Variants in KIT observed in about 807,000 individuals in gnomAD.
KIT encodes KIT proto-oncogene, receptor tyrosine kinase.
KIT carries 16 observed loss-of-function variants against 105.7 expected under a neutral mutation model. That is an observed-to-expected ratio of 0.15 (90% CI 0.10 to 0.23). The LOEUF is 0.23. Ranked by LOEUF, KIT falls within the 10% of genes least tolerant of loss-of-function variation. The probability of loss-of-function intolerance (pLI) is 1.00; values close to 1 mark genes in which losing one functional copy is unlikely to be tolerated. For missense variants in KIT, 858 were observed against 1,213.8 expected, an observed-to-expected ratio of 0.71 and a Z score of 4.36; for synonymous variants, 438 against 441.1, an observed-to-expected ratio of 0.99 and a Z score of 0.09.
At chr4:54,723,372 G>C (rs1040926449) in intron 7 of KIT, among the ~76,000 whole-genome samples, 1 of 152,154 alleles carries the variant, frequency 6.6e-6, no homozygotes, top group Non-Finnish European at 1.5e-5. Flanking sequence ...TCTGGGGCTG[G>C]GCCACTGTGG....
chr4:54,708,213 T>C (rs1457678327), intron 6 of KIT, among the ~76,000 whole-genome samples: 1 of 152,062 alleles, frequency 6.6e-6, no homozygotes, highest in East Asian at 1.9e-4. Context: ...GGAAAGACAG[T>C]GACTTTGTTT....
chr4:54,716,657 A>G (rs1721517777), intron 7 of KIT, among the ~76,000 whole-genome samples: 1 of 152,176 alleles, frequency 6.6e-6, no homozygotes. Flanking sequence ...TCTCTAGCCC[A>G]TGCCTGATGC....
chr4:54,719,844 C>G (rs545292295), intron 7 of KIT, among the ~76,000 whole-genome samples: 1 of 152,282 alleles, frequency 6.6e-6, no homozygotes, highest in South Asian at 2.1e-4. Flanking sequence ...TTCCACCTGG[C>G]TCATTCTTTA....
At chr4:54,701,802 CTA>C (rs1720468621) in intron 4 of KIT, among the ~76,000 whole-genome samples, 1 of 152,176 alleles carries the variant, frequency 6.6e-6, no homozygotes, top group African/African-American at 2.4e-5. Flanking sequence ...GTCTGTGAAA[CTA>C]TGAACTGGGA....
At chr4:54,688,207 G>A (rs1299242946) in intron 1 of KIT, among the ~76,000 whole-genome samples, 2 of 152,182 alleles carry the variant, frequency 1.3e-5, no homozygotes, top group Non-Finnish European at 2.9e-5. Flanking sequence ...AGCCTCATGG[G>A]TGTTGTGGGC....
At chr4:54,697,779 G>A (rs1420409484) in intron 2 of KIT, among the ~76,000 whole-genome samples, 1 of 152,160 alleles carries the variant, frequency 6.6e-6, no homozygotes, top group Admixed American at 6.5e-5. Flanking sequence ...CCCTGGAAAG[G>A]GTCCTGCACC....
rs934366239 is a variant in KIT at position 54,658,045 on chromosome 4, C to T, written c.31C>T (p.Leu11Phe). Residue 11 changes from leucine to phenylalanine, a missense_variant, in exon 1 of 21, where the codon CTC becomes TTC. Physicochemically the swap from Leu to Phe is conservative, Grantham distance 22. Around this residue, in one of 7 missense-constraint regions of KIT, gnomAD observed 46 missense variants for 38.8 expected, o/e 1.19. Transcript: ENST00000288135. Reference protein sequence around the residue: MRGARGAWDFLCVLLLLLRVQ... With the variant: MRGARGAWDFFCVLLLLLRVQ... ...AGGCGCTCGCGGCGCCTGGGATTTT[C>T]TCTGCGTTCTGCTCCTACTGCTTCG... The T allele has an allele frequency of 6.2e-7, 1 of 1,613,836 alleles. No homozygotes were observed. Among genetic ancestry groups the T allele is most frequent in the Admixed American group, 1.7e-5 (1 of 60,004 alleles).
At chr4:54,725,631 G>A (rs1442128473) in intron 8 of KIT, among the ~76,000 whole-genome samples, 1 of 152,048 alleles carries the variant, frequency 6.6e-6, no homozygotes, top group African/African-American at 2.4e-5. Context: ...AACTCATCAG[G>A]ATTCAAACCC....
chr4:54,708,439 C>A (rs1197196836), intron 6 of KIT, among the ~76,000 whole-genome samples: 1 of 152,068 alleles, frequency 6.6e-6, no homozygotes, highest in Non-Finnish European at 1.5e-5. Context: ...AAGCCTCAGT[C>A]TTATCCAGGA....
chr4:54,662,965 G>A (rs1717394713), intron 1 of KIT, among the ~76,000 whole-genome samples: 1 of 151,416 alleles, frequency 6.6e-6, no homozygotes, highest in Non-Finnish European at 1.5e-5. Flanking sequence ...AGATTGAATA[G>A]ATCTTGAACT....
chr4:54,709,574 T>C, intron 7 of KIT, 35 bp downstream of exon 7: 1 of 1,339,988 alleles, frequency 7.5e-7, no homozygotes, highest in Non-Finnish European at 1.1e-6. Flanking sequence ...TAATTTTTTA[T>C]TCTTTTAAAG....
intron 1 of KIT, among the ~76,000 whole-genome samples, chr4:54,669,159 A>C (rs527423082): frequency 7.2e-5 from 11 of 152,210 alleles, no homozygotes; most frequent in Non-Finnish European, 1.3e-4. Flanking sequence ...CAGCTGGGAA[A>C]TAGTATATAC....
chr4:54,682,433 T>C (rs1012250345), intron 1 of KIT, among the ~76,000 whole-genome samples: 1 of 152,010 alleles, frequency 6.6e-6, no homozygotes, highest in African/African-American at 2.4e-5. Context: ...TTGTCTTTTT[T>C]TTCTTTTTTT....
intron 1 of KIT, among the ~76,000 whole-genome samples, chr4:54,691,739 T>TTGGGG (rs1719724907): frequency 1.3e-5 from 2 of 151,492 alleles, no homozygotes; most frequent in South Asian, 2.1e-4. Flanking sequence ...GGAGGATGAG[T>TTGGGG]TGGGGTGGGG....
intron 5 of KIT, among the ~76,000 whole-genome samples, chr4:54,705,822 T>C (rs1353438778): frequency 1.3e-5 from 2 of 152,088 alleles, no homozygotes; most frequent in Admixed American, 6.5e-5. Flanking sequence ...GTCGAGGCTT[T>C]AGTGAGCTGT....
At chr4:54,730,754 C>T (rs1042641793) in intron 14 of KIT, among the ~76,000 whole-genome samples, 3 of 152,124 alleles carry the variant, frequency 2.0e-5, no homozygotes, top group Non-Finnish European at 4.4e-5. Flanking sequence ...TGTTTCTATG[C>T]TAATCAGAAG....
intron 1 of KIT, among the ~76,000 whole-genome samples, chr4:54,685,994 C>CT (rs1430221685): frequency 1.3e-5 from 2 of 152,332 alleles, no homozygotes; most frequent in East Asian, 3.9e-4. Flanking sequence ...CCCCACTGGG[C>CT]TGTGAGCCCC....
chr4:54,704,671 T>C (rs1720669137), intron 5 of KIT, among the ~76,000 whole-genome samples: 1 of 152,372 alleles, frequency 6.6e-6, no homozygotes, highest in Non-Finnish European at 1.5e-5. Context: ...TTAAAATTAC[T>C]TTGTTTACAA....
At chr4:54,733,010 T>G in intron 16 of KIT, 60 bp from the exon 17 acceptor site, 1 of 1,483,296 alleles carries the variant, frequency 6.7e-7, no homozygotes, top group Non-Finnish European at 9.4e-7. Flanking sequence ...AAAGTTAGTT[T>G]TCACTCTTTA....
Sources: allele counts gnomAD v4.1 joint callset (sites outside exome capture counted in the v4.1 genomes callset), GRCh38; gene constraint gnomAD v4.1.1; regional missense constraint gnomAD v4.1.1; transcripts MANE v1.5; gene names NCBI Gene and HGNC (gene_info 2026-07-23, HGNC 2026-07-21).